The following MTMR8 variants were observed in gnomAD, a reference collection of about 807,000 sequenced individuals.
MTMR8 encodes phosphatidylinositol-3,5-bisphosphate 3-phosphatase MTMR8.
A neutral mutation model predicts 39.3 loss-of-function variants in MTMR8; 65 were observed. The observed-to-expected ratio is 1.65, with a 90% CI of 1.35 to 2.03. The LOEUF (loss-of-function observed/expected upper bound fraction) is 2.03, where lower values mean the gene tolerates loss of function less well. Among genes scored for constraint, MTMR8 ranks in the 30% most tolerant of loss-of-function variants. MTMR8 has a pLI of 0.00. For missense variants in MTMR8, 777 were observed against 538.9 expected (o/e 1.44, Z -4.37); for synonymous variants, 245 against 185.2 (o/e 1.32, Z -2.62).
Position 64,359,546 on chromosome X carries a change from A to T in MTMR8, c.25-19T>A. The T allele has an allele frequency of 2.5e-6, 3 of 1,190,305 alleles. No homozygotes were observed. Among genetic ancestry groups the T allele is most frequent in the South Asian group, 3.7e-5 (2 of 54,357 alleles). On this transcript the variant is annotated intron_variant, in intron 1 of 13. Transcript: ENST00000374852. ...TTTCTACCTGTTATTGGAGGAAAAA[A>T]TACTGAATAAGTTACCAACTCACCA... is the stretch of plus-strand genomic sequence containing the variant.
intron 8 of MTMR8, among the ~76,000 whole-genome samples, chrX:64,339,314 T>C (rs1464207231): frequency 9.0e-6 from 1 of 110,981 alleles, no homozygotes; most frequent in Admixed American, 9.5e-5. Flanking sequence ...AGGGAATAGT[T>C]GGATAAAAGT....
intron 1 of MTMR8, among the ~76,000 whole-genome samples, chrX:64,374,677 G>T (rs1204169307): frequency 9.0e-6 from 1 of 111,532 alleles, no homozygotes; most frequent in Admixed American, 9.5e-5. Context: ...TGAAAGACAG[G>T]TCTTCTTTCT....
intron 12 of MTMR8, among the ~76,000 whole-genome samples, chrX:64,319,690 G>C (rs1374542726): frequency 2.7e-5 from 3 of 111,027 alleles, no homozygotes; most frequent in Non-Finnish European, 5.7e-5. Flanking sequence ...TTTTTGTCAG[G>C]TTTGTCAAAA....
chrX:64,368,060 G>T (rs1352202701), intron 1 of MTMR8, among the ~76,000 whole-genome samples: 1 of 111,513 alleles, frequency 9.0e-6, no homozygotes, highest in Non-Finnish European at 1.9e-5. Flanking sequence ...GGATGTGAAG[G>T]ACCTCTTCAT....
At chrX:64,381,160 G>C (rs182577282) in intron 1 of MTMR8, among the ~76,000 whole-genome samples, 2,090 of 111,772 alleles carry the variant, frequency 0.019, 61 homozygotes, top group African/African-American at 0.065. Flanking sequence ...GATCCCTGAG[G>C]AATCGCCACA....
chrX:64,377,756 T>C (rs1359404426), intron 1 of MTMR8, among the ~76,000 whole-genome samples: 2 of 112,053 alleles, frequency 1.8e-5, no homozygotes, highest in Non-Finnish European at 3.8e-5. Flanking sequence ...ATGACTGTTT[T>C]GAAATGTGAG....
chrX:64,315,710 T>C (rs1922447396), intron 12 of MTMR8, among the ~76,000 whole-genome samples: 1 of 111,947 alleles, frequency 8.9e-6, no homozygotes, highest in East Asian at 2.8e-4. Context: ...TTAATTGGTG[T>C]ATTAAGATCA....
chrX:64,319,578 G>A (rs1233796413), intron 12 of MTMR8, among the ~76,000 whole-genome samples: 3 of 111,815 alleles, frequency 2.7e-5, no homozygotes, highest in South Asian at 3.7e-4. Context: ...ATTAATTTTT[G>A]TATAAGGTGT....
intron 12 of MTMR8, among the ~76,000 whole-genome samples, chrX:64,276,289 A>G (rs775566237): frequency 9.0e-6 from 1 of 110,794 alleles, no homozygotes; most frequent in South Asian, 3.8e-4. Flanking sequence ...TTCCAGATCT[A>G]GATTCTAGTT....
At chrX:64,323,291 G>C (rs1019649697) in intron 12 of MTMR8, among the ~76,000 whole-genome samples, 1 of 112,121 alleles carries the variant, frequency 8.9e-6, no homozygotes, top group African/African-American at 3.2e-5. Flanking sequence ...AGATAAAATA[G>C]GCTTTAAGGC....
Position 64,301,491 on chromosome X carries a change from A to G in MTMR8, c.1481+27281T>C, listed in dbSNP as rs1311775302. 3.9e-4 allele frequency among the ~76,000 whole-genome samples: 42 copies of G among 107,867 alleles called. 1 individual carries two copies. Among genetic ancestry groups the G allele is most frequent in the African/African-American group, 1.3e-3 (39 of 29,602 alleles). 93.7% of individuals were successfully genotyped at this position (107,867 alleles called of 115,157 possible). A position where few individuals can be genotyped will look rare whatever the true frequency, so the allele number is the denominator to read the frequency against. On this transcript the variant is annotated intron_variant, in intron 12 of 13. Coordinates refer to ENST00000374852, the MANE Select transcript of MTMR8 (RefSeq NM_017677.4). ...TTATACATTCTTCTAAATTTTTTTC[A>G]AAGTTTTTAACTTCTTTGCCTTTGG...
intron 6 of MTMR8, among the ~76,000 whole-genome samples, chrX:64,346,775 A>G (rs1185491026): frequency 9.0e-6 from 1 of 110,702 alleles, no homozygotes; most frequent in Admixed American, 9.6e-5. Flanking sequence ...AAATGCACCA[A>G]CCCTTTTGTT....
chrX:64,314,505 G>A lies in MTMR8; in HGVS notation c.1481+14267C>T, dbSNP rs765834597. On this transcript the variant is annotated intron_variant, in intron 12 of 13. Coordinates refer to ENST00000374852, the MANE Select transcript of MTMR8 (RefSeq NM_017677.4). The stretch of plus-strand genomic sequence containing the variant: ...TGCATGTTTATGCAGGCTCAGGGCA[G>A]GGGAGGGTCTGCTAGTCTCTGTGCC... Among the ~76,000 whole-genome samples, 11 of 113,019 alleles carry A rather than the reference G, an allele frequency of 9.7e-5. No individual in the cohort carries two copies. The East Asian group carries it at 2.8e-3, about 29-fold the overall frequency.
At chrX:64,361,194 G>A (rs748030569) in intron 1 of MTMR8, among the ~76,000 whole-genome samples, 2 of 111,458 alleles carry the variant, frequency 1.8e-5, no homozygotes, top group South Asian at 7.5e-4. Flanking sequence ...AAATGGCAAT[G>A]GTAGTCAAAG....
At chrX:64,292,223 T>A (rs1429890145) in intron 12 of MTMR8, among the ~76,000 whole-genome samples, 1 of 112,108 alleles carries the variant, frequency 8.9e-6, no homozygotes, top group Non-Finnish European at 1.9e-5. Flanking sequence ...AGTAGTCCTC[T>A]GCTATCATGA....
chrX:64,380,464 A>G (rs1924382591), intron 1 of MTMR8, among the ~76,000 whole-genome samples: 1 of 112,631 alleles, frequency 8.9e-6, no homozygotes, highest in Non-Finnish European at 1.9e-5. Context: ...AGGCATTTAA[A>G]TATTTTAAGC....
chrX:64,318,834 A>T (rs916164786), intron 12 of MTMR8, among the ~76,000 whole-genome samples: 1 of 108,311 alleles, frequency 9.2e-6, no homozygotes, highest in African/African-American at 3.4e-5. Flanking sequence ...CAGCCTCCCA[A>T]GTAGCTGGGG....
At chrX:64,297,110 T>C (rs1337177177) in intron 12 of MTMR8, among the ~76,000 whole-genome samples, 1 of 83,003 alleles carries the variant, frequency 1.2e-5, no homozygotes. Context: ...ATGGGATGGC[T>C]GGGTCAAATG....
At position 64,313,660 on chromosome X, in the gene MTMR8, A is replaced by C. The variant is rs145388616; in HGVS notation, c.1481+15112T>G. On this transcript the variant is annotated intron_variant, in intron 12 of 13. Coordinates refer to ENST00000374852, the MANE Select transcript of MTMR8 (RefSeq NM_017677.4). ...AACATGTGACTCTTCGTTTCACTTG[A>C]ACACTTAAAGGCCATTGCATGGTTA... Among the ~76,000 whole-genome samples the C allele has an allele frequency of 1.4e-4, 16 of 112,440 alleles. No homozygotes were observed. In the East Asian group the frequency reaches 4.5e-3, roughly 31 times the overall value.
Sources: gnomAD v4.1 joint callset for allele counts (sites outside exome capture counted in the v4.1 genomes callset) on GRCh38, gnomAD v4.1.1 for gene constraint, MANE v1.5 for transcripts, NCBI Gene and HGNC (gene_info 2026-07-23, HGNC 2026-07-21) for gene names.